Variants in GRID2 observed in about 807,000 individuals in gnomAD.
GRID2 encodes the protein glutamate receptor ionotropic, delta-2.
In GRID2, 33 loss-of-function variants were observed where a neutral mutation model predicts 114.8. That is an observed-to-expected ratio of 0.29 (90% CI 0.22 to 0.38). The LOEUF is 0.38. GRID2 is among the 10% of genes least tolerant of loss of function. GRID2 has a pLI of 1.00. For missense variants in GRID2, 1,184 were observed against 1,257.7 expected, an observed-to-expected ratio of 0.94 and a Z score of 0.89; for synonymous variants, 505 against 449.9, an observed-to-expected ratio of 1.12 and a Z score of -1.55.
At chr4:93,022,202 A>G (rs1723432874) in intron 2 of GRID2, among the ~76,000 whole-genome samples, 1 of 151,852 alleles carries the variant, frequency 6.6e-6, no homozygotes, top group African/African-American at 2.4e-5. Flanking sequence ...ATACATACGC[A>G]TATACACACA....
chr4:92,904,923 A>T (rs552490932), intron 2 of GRID2, among the ~76,000 whole-genome samples: 2 of 152,150 alleles, frequency 1.3e-5, no homozygotes, highest in East Asian at 3.9e-4. Context: ...AGATCATGTT[A>T]ATCTAATTTT....
At chr4:93,312,333 T>C (rs1756107364) in intron 8 of GRID2, among the ~76,000 whole-genome samples, 1 of 152,174 alleles carries the variant, frequency 6.6e-6, no homozygotes, top group Non-Finnish European at 1.5e-5. Context: ...TTACGCTGCC[T>C]TCTAATGCAA....
intron 8 of GRID2, among the ~76,000 whole-genome samples, chr4:93,248,078 C>A (rs1303574911): frequency 1.1e-5 from 1 of 89,062 alleles, no homozygotes; most frequent in African/African-American, 5.1e-5. Flanking sequence ...ACTCCAATAT[C>A]TAACAGATAC....
intron 14 of GRID2, among the ~76,000 whole-genome samples, chr4:93,704,528 T>C (rs1308447423): frequency 1.3e-5 from 2 of 152,206 alleles, no homozygotes; most frequent in African/African-American, 4.8e-5. Flanking sequence ...ATTTTGGCTT[T>C]TGTTGCCATT....
intron 11 of GRID2, among the ~76,000 whole-genome samples, chr4:93,477,844 G>A (rs1287971727): frequency 1.3e-5 from 2 of 152,074 alleles, no homozygotes; most frequent in Admixed American, 6.6e-5. Context: ...TTTACAGAAA[G>A]GGTTTCTAAA....
chr4:93,203,567 C>T (rs1560981310), intron 4 of GRID2, among the ~76,000 whole-genome samples: 1 of 151,852 alleles, frequency 6.6e-6, no homozygotes, highest in African/African-American at 2.4e-5. Context: ...ATTATAAAAT[C>T]ACAGAATTAA....
At chr4:93,422,668 A>T in intron 9 of GRID2, 103 bp from the exon 10 acceptor site, 1 of 713,110 alleles carries the variant, frequency 1.4e-6, no homozygotes, top group Non-Finnish European at 2.4e-6. Context: ...CTTTCAAAGT[A>T]TAAAACAATT....
At chr4:93,201,968 C>A (rs1252417642) in intron 4 of GRID2, among the ~76,000 whole-genome samples, 1 of 151,418 alleles carries the variant, frequency 6.6e-6, no homozygotes, top group Non-Finnish European at 1.5e-5. Context: ...AGCTCAGCTT[C>A]TTGGGAGGTG....
chr4:92,973,092 A>G (rs909073295), intron 2 of GRID2, among the ~76,000 whole-genome samples: 3 of 152,186 alleles, frequency 2.0e-5, no homozygotes, highest in African/African-American at 4.8e-5. Flanking sequence ...TCTTTATAAT[A>G]GAATGATTTA....
At chr4:92,803,667 G>T (rs1740278327) in intron 2 of GRID2, among the ~76,000 whole-genome samples, 1 of 151,916 alleles carries the variant, frequency 6.6e-6, no homozygotes, top group South Asian at 2.1e-4. Flanking sequence ...TCTATCTGGA[G>T]CCCACTCACA....
At chr4:92,530,260 C>T (rs111751794) in intron 1 of GRID2, among the ~76,000 whole-genome samples, 15 of 151,584 alleles carry the variant, frequency 9.9e-5, no homozygotes, top group African/African-American at 3.1e-4. Flanking sequence ...TGGATATTGA[C>T]AGAGAATTTC....
chr4:92,715,665 G>A (rs1362029003), intron 2 of GRID2, among the ~76,000 whole-genome samples: 1 of 152,080 alleles, frequency 6.6e-6, no homozygotes, highest in African/African-American at 2.4e-5. Flanking sequence ...GCGAGTGCAG[G>A]GAAACTACCC....
chr4:93,207,349 G>A (rs377150843), intron 4 of GRID2, 55 bp from the exon 5 acceptor site: 2 of 1,125,256 alleles, frequency 1.8e-6, no homozygotes, highest in Non-Finnish European at 2.7e-6. Context: ...TCATTTAGTT[G>A]GGTTTGTTTT....
At chr4:93,207,589 C>A in intron 5 of GRID2, 132 bp downstream of exon 5, 1 of 620,506 alleles carries the variant, frequency 1.6e-6, no homozygotes, top group Admixed American at 3.0e-5. Flanking sequence ...TGAGTGAATG[C>A]TGTTTAACAA....
chr4:93,778,748 T>A (rs981756910), downstream of GRID2, among the ~76,000 whole-genome samples: 39 of 152,174 alleles, frequency 2.6e-4, no homozygotes, highest in Admixed American at 1.2e-3. Flanking sequence ...ATAATTAACA[T>A]GCTCAAGTAC....
chr4:93,552,491 C>A (rs1273519217), intron 13 of GRID2, among the ~76,000 whole-genome samples: 1 of 152,118 alleles, frequency 6.6e-6, no homozygotes, highest in Non-Finnish European at 1.5e-5. Context: ...TTGACAGTCC[C>A]ACCAACAGTG....
At chr4:93,594,210 G>A (rs1198933997) in intron 13 of GRID2, among the ~76,000 whole-genome samples, 2 of 150,852 alleles carry the variant, frequency 1.3e-5, no homozygotes, top group Non-Finnish European at 3.0e-5. Flanking sequence ...TCTTTGGTAT[G>A]GTGATGTACA....
intron 2 of GRID2, among the ~76,000 whole-genome samples, chr4:92,897,578 G>A (rs1747266539): frequency 6.6e-6 from 1 of 152,104 alleles, no homozygotes; most frequent in Non-Finnish European, 1.5e-5. Context: ...TAGTTGCATT[G>A]CAGAATAGTT....
chr4:93,410,249 T>C (rs536404452), intron 9 of GRID2, among the ~76,000 whole-genome samples: 6 of 152,282 alleles, frequency 3.9e-5, no homozygotes, highest in African/African-American at 1.4e-4. Flanking sequence ...CCTGAAAATA[T>C]GTTCAAGGTA....
Sources: allele counts gnomAD v4.1 joint callset (sites outside exome capture counted in the v4.1 genomes callset), GRCh38; gene constraint gnomAD v4.1.1; transcripts MANE v1.5; gene names NCBI Gene and HGNC (gene_info 2026-07-23, HGNC 2026-07-21).